FAM110B: variants seen among roughly 807,000 people sequenced by gnomAD.
FAM110B encodes the protein protein FAM110B.
Under a neutral mutation model 20.4 loss-of-function variants are expected in FAM110B, and 6 were observed. The ratio of observed to expected loss-of-function variants is 0.29; its 90% CI spans 0.16 to 0.58. FAM110B has a LOEUF of 0.58. Ranked by LOEUF, FAM110B falls within the 20% of genes least tolerant of loss-of-function variation. FAM110B has a pLI of 0.90. For missense variants in FAM110B, 434 were observed against 498.2 expected (o/e 0.87, Z 1.23); for synonymous variants, 226 against 214.1 (o/e 1.06, Z -0.49).
intron 1 of FAM110B, among the ~76,000 whole-genome samples, chr8:58,007,565 G>A (rs1257438252): frequency 6.6e-6 from 1 of 152,168 alleles, no homozygotes; most frequent in African/African-American, 2.4e-5. Flanking sequence ...CAGAGGTAGG[G>A]CCTTGGCAAG....
chr8:58,040,118 C>T (rs1160010548), intron 2 of FAM110B, among the ~76,000 whole-genome samples: 1 of 152,072 alleles, frequency 6.6e-6, no homozygotes, highest in Non-Finnish European at 1.5e-5. Flanking sequence ...TCCCAAAGCA[C>T]TGGAATTGGT....
Position 57,998,320 on chromosome 8 carries a change from G to C in FAM110B, c.-512+3514G>C, listed in dbSNP as rs115402846. Reference sequence around the variant, plus strand: ...AGATTTAGAAGTAATAAAGAATGTTGGGTCTGTTTTTGGCTTCGTTGCTCA... The same window carrying C: ...AGATTTAGAAGTAATAAAGAATGTTCGGTCTGTTTTTGGCTTCGTTGCTCA... On this transcript the variant is annotated intron_variant, in intron 1 of 3. Transcript: ENST00000519262. 6.0e-3 allele frequency among the ~76,000 whole-genome samples: 920 copies of C among 152,256 alleles called. 9 individuals are homozygous for C. Among genetic ancestry groups the C allele is most frequent in the African/African-American group, 0.021 (890 of 41,542 alleles).
At chr8:58,081,352 G>A (rs1055783548) in intron 3 of FAM110B, among the ~76,000 whole-genome samples, 7 of 152,092 alleles carry the variant, frequency 4.6e-5, no homozygotes, top group Non-Finnish European at 8.8e-5. Flanking sequence ...GATTGCAGGC[G>A]TGTGCTACCA....
chr8:58,081,414 A>G (rs993728079), intron 3 of FAM110B, among the ~76,000 whole-genome samples: 18 of 151,968 alleles, frequency 1.2e-4, no homozygotes, highest in African/African-American at 4.1e-4. Flanking sequence ...GCCATATTGG[A>G]TACGCTGGTC....
chr8:58,024,080 A>G (rs1325622635), intron 1 of FAM110B, among the ~76,000 whole-genome samples: 3 of 151,886 alleles, frequency 2.0e-5, no homozygotes, highest in Admixed American at 6.6e-5. Flanking sequence ...CTTTGACCAT[A>G]TATGGATTTG....
rs1457200828 is a variant in FAM110B, at chr8:58,146,147, G to C, written c.-84G>C. The stretch of plus-strand genomic sequence containing the variant: ...CCAGGCTGCACCCGCCGCCCTTGGC[G>C]CTTCATGTACATGTGTCTATTCAGG... On this transcript the variant is annotated 5_prime_UTR_variant, in exon 4 of 4. Coordinates refer to ENST00000519262, the MANE Select transcript of FAM110B (RefSeq NM_001377989.1). 1.4e-6 allele frequency: 2 copies of C among 1,475,714 alleles called. No homozygotes were observed. Among genetic ancestry groups the C allele is most frequent in the African/African-American group, 1.4e-5 (1 of 70,900 alleles). 91.4% of individuals were successfully genotyped at this position (1,475,714 alleles called of 1,614,324 possible).
chr8:58,106,924 C>T (rs996070620), intron 3 of FAM110B, among the ~76,000 whole-genome samples: 2 of 152,132 alleles, frequency 1.3e-5, no homozygotes, highest in Non-Finnish European at 2.9e-5. Context: ...TTATAACTGA[C>T]GATAAGCGAG....
intron 1 of FAM110B, among the ~76,000 whole-genome samples, chr8:58,009,676 A>G (rs575814480): frequency 3.8e-4 from 58 of 152,300 alleles, no homozygotes; most frequent in Admixed American, 1.0e-3. Flanking sequence ...TGTGGCTTAC[A>G]TTATATTTCC....
chr8:58,058,952 T>C (rs544644300), intron 2 of FAM110B, among the ~76,000 whole-genome samples: 1 of 152,164 alleles, frequency 6.6e-6, no homozygotes, highest in African/African-American at 2.4e-5. Context: ...CTTGCCACTT[T>C]TCAGTTTTCT....
chr8:58,001,492 G>A (rs1346931037), intron 1 of FAM110B, among the ~76,000 whole-genome samples: 1 of 152,106 alleles, frequency 6.6e-6, no homozygotes, highest in East Asian at 1.9e-4. Context: ...TTTAACTCAT[G>A]TGGCCTGATT....
At chr8:58,027,845 A>T (rs965968730) in intron 1 of FAM110B, among the ~76,000 whole-genome samples, 1 of 152,182 alleles carries the variant, frequency 6.6e-6, no homozygotes, top group African/African-American at 2.4e-5. Flanking sequence ...CATTCACCAG[A>T]TGATGGACGT....
chr8:58,124,655 G>A (rs141933610), intron 3 of FAM110B, among the ~76,000 whole-genome samples: 1 of 152,312 alleles, frequency 6.6e-6, no homozygotes, highest in East Asian at 1.9e-4. Flanking sequence ...CACCCTGTTT[G>A]CATCACTGAT....
At chr8:58,038,974 GC>G (rs1370945484) in intron 2 of FAM110B, among the ~76,000 whole-genome samples, 1 of 152,190 alleles carries the variant, frequency 6.6e-6, no homozygotes, top group Non-Finnish European at 1.5e-5. Context: ...GAAAGACGTG[GC>G]TCTTGATTGA....
chr8:58,058,818 G>A (rs1805599391), intron 2 of FAM110B, among the ~76,000 whole-genome samples: 1 of 151,940 alleles, frequency 6.6e-6, no homozygotes, highest in African/African-American at 2.4e-5. Context: ...TGTACAATAG[G>A]GTTTTTTGAG....
intron 3 of FAM110B, among the ~76,000 whole-genome samples, chr8:58,129,719 T>C (rs1803403262): frequency 6.6e-6 from 1 of 152,212 alleles, no homozygotes; most frequent in Non-Finnish European, 1.5e-5. Context: ...GGCTGACAGC[T>C]TACCAAGGCA....
At chr8:58,101,303 G>A (rs568152451) in intron 3 of FAM110B, among the ~76,000 whole-genome samples, 13 of 152,156 alleles carry the variant, frequency 8.5e-5, no homozygotes, top group Admixed American at 5.9e-4. Flanking sequence ...AAACACAATT[G>A]GTGTGAGTGC....
intron 1 of FAM110B, among the ~76,000 whole-genome samples, chr8:58,029,224 T>G (rs1301560413): frequency 6.6e-6 from 1 of 152,234 alleles, no homozygotes; most frequent in Non-Finnish European, 1.5e-5. Context: ...GAGCTTTGTG[T>G]ATAGAACACC....
chr8:57,995,926 A>T (rs1203879624), intron 1 of FAM110B, among the ~76,000 whole-genome samples: 1 of 152,248 alleles, frequency 6.6e-6, no homozygotes, highest in African/African-American at 2.4e-5. Context: ...TAGTAGAATA[A>T]GCATTTTTGC....
chr8:58,107,330 A>G (rs1052255857), intron 3 of FAM110B, among the ~76,000 whole-genome samples: 1 of 152,180 alleles, frequency 6.6e-6, no homozygotes, highest in East Asian at 1.9e-4. Flanking sequence ...TTGCAACATT[A>G]AAGTTTTTTG....
Sources: allele counts gnomAD v4.1 joint callset (sites outside exome capture counted in the v4.1 genomes callset), GRCh38; gene constraint gnomAD v4.1.1; transcripts MANE v1.5; gene names NCBI Gene and HGNC (gene_info 2026-07-23, HGNC 2026-07-21).